AGO4: variants seen among roughly 807,000 people sequenced by gnomAD.
AGO4 encodes the protein protein argonaute-4.
In AGO4, 33 loss-of-function variants were observed where a neutral mutation model predicts 104.7. That is an observed-to-expected ratio of 0.32 (90% CI 0.24 to 0.42). The LOEUF is 0.42. AGO4 is among the 10% of genes least tolerant of loss of function. AGO4 has a pLI of 1.00. For synonymous variants in AGO4, 331 were observed against 364.7 expected, an observed-to-expected ratio of 0.91 and a Z score of 1.05; for missense variants, 711 against 1,083.4, an observed-to-expected ratio of 0.66 and a Z score of 4.83.
intron 15 of AGO4, among the ~76,000 whole-genome samples, chr1:35,847,509 C>G (rs919835508): frequency 6.6e-6 from 1 of 152,184 alleles, no homozygotes; most frequent in Non-Finnish European, 1.5e-5. Flanking sequence ...GCTGGGATTA[C>G]AGGCATGAAA....
chr1:35,831,826 G>A lies in AGO4; in HGVS notation c.1011G>A (p.Val337=). Residue 337 remains valine, a synonymous_variant, in exon 9 of 18, where the codon GTG becomes GTA. Transcript: ENST00000373210. ...TYLPLEVCNI[V]AGQRCIKKLT... is the part of the protein sequence containing the mutation. ...TCTCTTGGCAGGTCTGTAATATAGT[G>A]GCAGGACAGCGATGTATCAAGAAGC... 6.2e-7 allele frequency: 1 copy of A among 1,614,030 alleles called. No homozygotes were observed. Among genetic ancestry groups the A allele is most frequent in the Non-Finnish European group, 8.5e-7 (1 of 1,179,992 alleles).
Position 35,835,304 on chromosome 1 carries a change from G to A in AGO4, c.1565-530G>A, listed in dbSNP as rs940408379. 1.3e-4 allele frequency among the ~76,000 whole-genome samples: 20 copies of A among 152,180 alleles called. No individual in the cohort carries two copies. The East Asian group carries it at 1.5e-3, about 12-fold the overall frequency. On this transcript the variant is annotated intron_variant, in intron 12 of 17. Transcript: ENST00000373210. ...ACTCCTGACCTCAAGTGATCCACCC[G>A]CCTTGGCCTCCCAAAGTGCTGAGAT...
chr1:35,853,524 G>A lies in AGO4; in HGVS notation c.2505G>A (p.Gln835=), dbSNP rs1327875828. ...CGGAAGGCAGTCATGTGTCAGGACA[G>A]AGCAACGGCCGGGATCCTCAGGCCT... ...DSAEGSHVSG[Q]SNGRDPQALA... is the part of the protein sequence containing the mutation. The change falls in exon 18 of 18, where the codon CAG becomes CAA. Residue 835 remains glutamine (Q), a synonymous_variant. Coordinates refer to ENST00000373210, the MANE Select transcript of AGO4 (RefSeq NM_017629.4). The A allele has an allele frequency of 6.2e-7, 1 of 1,613,938 alleles. No individual in the cohort carries two copies.
chr1:35,832,888 G>A (rs1194685485), intron 11 of AGO4, among the ~76,000 whole-genome samples: 1 of 152,118 alleles, frequency 6.6e-6, no homozygotes, highest in Non-Finnish European at 1.5e-5. Context: ...TCAAAAACTA[G>A]CTTACTTTTA....
chr1:35,823,058 C>A, intron 3 of AGO4, 76 bp downstream of exon 3: 5 of 1,512,698 alleles, frequency 3.3e-6, no homozygotes, highest in South Asian at 1.2e-5. Context: ...CTTTTCTTCC[C>A]AACACACACA....
chr1:35,812,195 AAAAAAAG>A (rs1643531000), intron 1 of AGO4, among the ~76,000 whole-genome samples: 1 of 150,294 alleles, frequency 6.7e-6, no homozygotes, highest in African/African-American at 2.5e-5. Context: ...CCAAATTAAA[AAAAAAAG>A]AAAAAAGAAA....
chr1:35,819,700 G>A (rs1643844393), intron 2 of AGO4, among the ~76,000 whole-genome samples: 2 of 130,116 alleles, frequency 1.5e-5, no homozygotes, highest in South Asian at 2.6e-4. Flanking sequence ...GCTACTGCAC[G>A]TCAGCCTATT....
In AGO4 at chr1:35,857,294, GA is replaced by G. The variant is rs1285998533; in HGVS notation, c.*3691del. 1 of 152,200 alleles carries G rather than the reference GA, an allele frequency of 6.6e-6. No individual in the cohort carries two copies. Among genetic ancestry groups the G allele is most frequent in the Non-Finnish European group, 1.5e-5 (1 of 68,028 alleles). 9.4% of individuals were successfully genotyped at this position (152,200 alleles called of 1,614,324 possible). A position where few individuals can be genotyped will look rare whatever the true frequency, so the allele number is the denominator to read the frequency against. On this transcript the variant is annotated 3_prime_UTR_variant, in exon 18 of 18. Coordinates refer to ENST00000373210, the MANE Select transcript of AGO4 (RefSeq NM_017629.4). ...TGTATCAATACTGTTGCAACTCCAAGAAGTTTTCCTTGTAAAATTAAAGGAA... is the reference window on the plus strand; with the variant it reads ...TGTATCAATACTGTTGCAACTCCAAGAGTTTTCCTTGTAAAATTAAAGGAA...
chr1:35,827,904 C>T (rs1444063552), intron 7 of AGO4, among the ~76,000 whole-genome samples: 1 of 150,188 alleles, frequency 6.7e-6, no homozygotes, highest in African/African-American at 2.5e-5. Flanking sequence ...GCATGCACCA[C>T]CACACTCGCC....
At chr1:35,809,547 A>G (rs1451198509) in intron 1 of AGO4, among the ~76,000 whole-genome samples, 1 of 152,214 alleles carries the variant, frequency 6.6e-6, no homozygotes, top group Non-Finnish European at 1.5e-5. Flanking sequence ...TATTGTTTAA[A>G]GGCCCTCATA....
In AGO4 at chr1:35,852,646, G is replaced by A. The variant is rs530652450; in HGVS notation, c.2478-851G>A. ...CACCAAGGATACAGTGGTGAGCAAGGTGGACAAAATTGCTGCTTTCTTGGA... is the reference window on the plus strand; with the variant it reads ...CACCAAGGATACAGTGGTGAGCAAGATGGACAAAATTGCTGCTTTCTTGGA... On this transcript the variant is annotated intron_variant, in intron 17 of 17. Transcript: ENST00000373210. Among the ~76,000 whole-genome samples the A allele has an allele frequency of 1.4e-4, 22 of 152,310 alleles. No individual in the cohort carries two copies. The South Asian group carries it at 4.1e-3, about 29-fold the overall frequency.
intron 13 of AGO4, among the ~76,000 whole-genome samples, chr1:35,839,947 A>G (rs1644398987): frequency 6.6e-6 from 1 of 151,398 alleles, no homozygotes; most frequent in South Asian, 2.1e-4. Context: ...AGCCTGGGCA[A>G]CAGAGTGAGA....
At chr1:35,823,718 A>G (rs1292993753) in intron 3 of AGO4, among the ~76,000 whole-genome samples, 1 of 152,010 alleles carries the variant, frequency 6.6e-6, no homozygotes, top group Non-Finnish European at 1.5e-5. Context: ...GGCATGAGCC[A>G]CTGCGCCTGG....
chr1:35,807,754 A>G (rs1397721490), upstream of AGO4, among the ~76,000 whole-genome samples: 1 of 152,108 alleles, frequency 6.6e-6, no homozygotes, highest in Non-Finnish European at 1.5e-5. Flanking sequence ...GACAGAAGCG[A>G]TCTGGGGTGG....
At chr1:35,831,597 A>C in intron 8 of AGO4, 23 bp downstream of exon 8, 1 of 1,607,316 alleles carries the variant, frequency 6.2e-7, no homozygotes, top group Non-Finnish European at 8.5e-7. Flanking sequence ...TTCTTTTGCC[A>C]ATTTGCTGAT....
At chr1:35,816,543 G>A (rs994576856) in intron 1 of AGO4, among the ~76,000 whole-genome samples, 1 of 152,110 alleles carries the variant, frequency 6.6e-6, no homozygotes, top group Non-Finnish European at 1.5e-5. Flanking sequence ...GCTCACGCCT[G>A]TAATCCCAGC....
chr1:35,829,709 C>T (rs1644127613), intron 7 of AGO4, among the ~76,000 whole-genome samples: 2 of 151,664 alleles, frequency 1.3e-5, no homozygotes, highest in South Asian at 4.2e-4. Context: ...TGGTGGCAGG[C>T]ATGGTGGCAG....
chr1:35,853,662 C>A lies in AGO4; in HGVS notation c.*57C>A. The A allele has an allele frequency of 1.4e-6, 2 of 1,474,848 alleles. No individual in the cohort carries two copies. The highest frequency in any genetic ancestry group is 1.2e-5 in the South Asian group (1 of 86,866). 91.4% of individuals were successfully genotyped at this position (1,474,848 alleles called of 1,614,324 possible). On this transcript the variant is annotated 3_prime_UTR_variant, in exon 18 of 18. Transcript: ENST00000373210. ...CACCCCATGCAGCCTCAAAATGTTT[C>A]AAATGCCTACCGCCTCTAGATCGAG...
At chr1:35,835,508 T>C (rs777837450) in intron 12 of AGO4, among the ~76,000 whole-genome samples, 22 of 152,178 alleles carry the variant, frequency 1.4e-4, no homozygotes, top group Non-Finnish European at 2.6e-4. Flanking sequence ...GCTGGGAAGA[T>C]TGATTCTTTT....
Sources: gnomAD v4.1 joint callset for allele counts (sites outside exome capture counted in the v4.1 genomes callset) on GRCh38, gnomAD v4.1.1 for gene constraint, MANE v1.5 for transcripts, NCBI Gene and HGNC (gene_info 2026-07-23, HGNC 2026-07-21) for gene names.